ANKRD11: variants seen among roughly 807,000 people sequenced by gnomAD.
ANKRD11 encodes the protein ankyrin repeat domain 11.
Under a neutral mutation model 195.7 loss-of-function variants are expected in ANKRD11, and 17 were observed. That is an observed-to-expected ratio of 0.09 (90% confidence interval 0.06 to 0.13). The LOEUF is 0.13. ANKRD11 is among the 10% of genes least tolerant of loss of function. The pLI is 1.00. For synonymous variants in ANKRD11, 1,953 were observed against 1,528.1 expected (o/e 1.28, Z -6.49); for missense variants, 3,735 against 3,566.1 (o/e 1.05, Z -1.21).
chr16:89,460,710 C>G (rs2056623994), intron 1 of ANKRD11, among the ~76,000 whole-genome samples: 1 of 152,082 alleles, frequency 6.6e-6, no homozygotes, highest in African/African-American at 2.4e-5. Flanking sequence ...GCACTCCAGC[C>G]CGAGCAAGAC....
At chr16:89,354,376 T>C (rs765928448) in intron 2 of ANKRD11, among the ~76,000 whole-genome samples, 3 of 151,830 alleles carry the variant, frequency 2.0e-5, no homozygotes, top group Non-Finnish European at 4.4e-5. Flanking sequence ...ATTAGACAAA[T>C]ACCCAAATAT....
At position 89,280,654 on chromosome 16, in the gene ANKRD11, A is replaced by G. The variant is rs1240406820; in HGVS notation, c.5888T>C (p.Ile1963Thr). The change falls in exon 9 of 13, where the codon ATC (isoleucine) becomes ACC (threonine). Residue 1963 changes from isoleucine to threonine, a missense_variant. Physicochemically the swap from Ile to Thr is moderately conservative, Grantham distance 89. Coordinates refer to ENST00000301030, the MANE Select transcript of ANKRD11 (RefSeq NM_013275.6). ...CACAGGGTTTTCAGAGGTGCCCCCG[A>G]TCAGGCTAGAGGCAAGCGCCTGCTC... is the stretch of plus-strand genomic sequence containing the variant. ...PSEQALASSL[I>T]GGTSENPVSW... is the part of the protein sequence containing the mutation. The G allele has an allele frequency of 1.9e-6, 3 of 1,613,448 alleles. No homozygotes were observed. The highest frequency in any genetic ancestry group is 2.2e-5 in the East Asian group (1 of 44,866).
At position 89,275,083 on chromosome 16, in the gene ANKRD11, G is replaced by A. The variant is rs1169289592; in HGVS notation, c.7569+10C>T. 1.9e-6 allele frequency: 3 copies of A among 1,612,632 alleles called. No homozygotes were observed. The highest frequency in any genetic ancestry group is 2.5e-6 in the Non-Finnish European group (3 of 1,179,664). On this transcript the variant is annotated intron_variant, in intron 10 of 12. Coordinates refer to ENST00000301030, the MANE Select transcript of ANKRD11 (RefSeq NM_013275.6). ...CCGTGGCGCCCCCCTGCCTGTGCCA[G>A]CCCACTTACCCGCTCGATGCTGTGC...
chr16:89,289,632 G>A (rs1196465832), intron 6 of ANKRD11, among the ~76,000 whole-genome samples: 1 of 152,224 alleles, frequency 6.6e-6, no homozygotes, highest in Non-Finnish European at 1.5e-5. Context: ...CGGCTCAGAG[G>A]TGCCCTCTGC....
At chr16:89,377,674 C>T (rs1259654553) in intron 2 of ANKRD11, among the ~76,000 whole-genome samples, 1 of 152,102 alleles carries the variant, frequency 6.6e-6, no homozygotes, top group African/African-American at 2.4e-5. Context: ...GGGAGGGGTT[C>T]CCACGACTCC....
chr16:89,271,376 T>C (rs2033139870), intron 11 of ANKRD11: 1 of 251,402 alleles, frequency 4.0e-6, no homozygotes, highest in Non-Finnish European at 7.9e-6. Context: ...GTAGCTGGGA[T>C]TACAGGCAGC....
At chr16:89,429,886 T>G (rs75991075) in intron 1 of ANKRD11, among the ~76,000 whole-genome samples, 3,837 of 19,556 alleles carry the variant, frequency 0.2, 504 homozygotes, top group Non-Finnish European at 0.25. Context: ...ACACAGCAGG[T>G]ACTCTCAACT....
chr16:89,385,553 C>T (rs192224185), intron 2 of ANKRD11, among the ~76,000 whole-genome samples: 128 of 152,224 alleles, frequency 8.4e-4, no homozygotes, highest in African/African-American at 2.9e-3. Context: ...TCAAGCTGCT[C>T]CCTACCAATT....
At chr16:89,472,230 T>C (rs2057109113) in intron 1 of ANKRD11, among the ~76,000 whole-genome samples, 1 of 152,152 alleles carries the variant, frequency 6.6e-6, no homozygotes, top group South Asian at 2.1e-4. Flanking sequence ...GACAGAAAAG[T>C]GAGAGGCAAA....
chr16:89,410,986 G>C (rs993158595), intron 2 of ANKRD11, among the ~76,000 whole-genome samples: 1 of 152,342 alleles, frequency 6.6e-6, no homozygotes, highest in African/African-American at 2.4e-5. Context: ...CTCCACAGGC[G>C]CTTTCCTGAA....
intron 1 of ANKRD11, among the ~76,000 whole-genome samples, chr16:89,449,187 C>CA (rs397778191): frequency 0.042 from 3,065 of 73,348 alleles, 84 homozygotes; most frequent in African/African-American, 0.12. Context: ...CCAGTCTCTA[C>CA]AAAAAAAAAA....
chr16:89,280,036 C>T lies in ANKRD11; in HGVS notation c.6506G>A (p.Gly2169Glu), dbSNP rs573380956. The T allele has an allele frequency of 1.6e-5, 26 of 1,612,858 alleles. No homozygotes were observed. In the South Asian group the frequency reaches 2.6e-4, roughly 16 times the overall value. ...CCCACCGTTTATGACCCCGGGGGCC[C>T]CTGGAGGCATCTCTTCTGGAGGAGC... ...SLAPPEEMPPGAPGVINGGDV... is the reference protein window; with the variant it reads ...SLAPPEEMPPEAPGVINGGDV... Residue 2169 changes from glycine (G) to glutamate (E), a missense_variant, in exon 9 of 13, where the codon GGG (glycine) becomes GAG (glutamate). Physicochemically the swap from Gly to Glu is moderately conservative, Grantham distance 98. Coordinates refer to ENST00000301030, the MANE Select transcript of ANKRD11 (RefSeq NM_013275.6).
chr16:89,404,455 G>C (rs2041828136), intron 2 of ANKRD11, among the ~76,000 whole-genome samples: 1 of 152,164 alleles, frequency 6.6e-6, no homozygotes, highest in Non-Finnish European at 1.5e-5. Flanking sequence ...TGCTTTTAAA[G>C]GATTAATAGC....
At chr16:89,400,104 G>A (rs1169158400) in intron 2 of ANKRD11, among the ~76,000 whole-genome samples, 4 of 26,808 alleles carry the variant, frequency 1.5e-4, no homozygotes, top group African/African-American at 8.5e-4. Context: ...CCTGCGCTGG[G>A]GGACGGTCAT....
At chr16:89,341,708 T>C (rs2038668793) in intron 2 of ANKRD11, among the ~76,000 whole-genome samples, 2 of 152,212 alleles carry the variant, frequency 1.3e-5, no homozygotes, top group African/African-American at 2.4e-5. Flanking sequence ...ATCTGCATAA[T>C]GATATACCTA....
Position 89,285,551 on chromosome 16 carries a change from C to T in ANKRD11, c.991G>A (p.Ala331Thr), listed in dbSNP as rs1323276539. 1 of 1,614,112 alleles carries T rather than the reference C, an allele frequency of 6.2e-7. No individual in the cohort carries two copies. The highest frequency in any genetic ancestry group is 8.5e-7 in the Non-Finnish European group (1 of 1,180,014). The change falls in exon 9 of 13, where the codon GCC becomes ACC. Residue 331 changes from alanine to threonine, a missense_variant. Transcript: ENST00000301030. The surrounding 1 kb of genome is among the most constrained non-coding windows in gnomAD (Gnocchi z 5.6). ...SEFEKGLKHK[A>T]KNPEPQKATA... ...GCCTTCTGTGGCTCTGGGTTCTTGG[C>T]CTTGTGCTTGAGGCCTTTTTCGAAC...
chr16:89,426,636 A>G (rs201034836), intron 1 of ANKRD11, among the ~76,000 whole-genome samples: 2 of 152,152 alleles, frequency 1.3e-5, no homozygotes, highest in East Asian at 3.8e-4. Context: ...GCGCATATAG[A>G]TGACCAATTT....
intron 2 of ANKRD11, among the ~76,000 whole-genome samples, chr16:89,349,579 C>T (rs983497852): frequency 1.3e-5 from 2 of 152,152 alleles, no homozygotes; most frequent in African/African-American, 2.4e-5. Flanking sequence ...ACAAATGATG[C>T]TGGAAATAAT....
Position 89,467,199 on chromosome 16 carries a change from C to T in ANKRD11, c.-145+23046G>A, listed in dbSNP as rs938437134. On this transcript the variant is annotated intron_variant, in intron 1 of 12. Transcript: ENST00000301030. Reference sequence around the variant, plus strand: ...ATAATCCCAGAACCTGGGGAGGCCACAGCAGGTGGATCGCTTGAGCCCAGG... The same window carrying T: ...ATAATCCCAGAACCTGGGGAGGCCATAGCAGGTGGATCGCTTGAGCCCAGG... Among the ~76,000 whole-genome samples the T allele has an allele frequency of 3.3e-5, 5 of 151,394 alleles. No homozygotes were observed. The East Asian group carries it at 5.8e-4, about 18-fold the overall frequency.
Sources: gnomAD v4.1 joint callset for allele counts (sites outside exome capture counted in the v4.1 genomes callset) on GRCh38, gnomAD v4.1.1 for gene constraint, Gnocchi (gnomAD v3.1) non-coding constraint, MANE v1.5 for transcripts, NCBI Gene and HGNC (gene_info 2026-07-23, HGNC 2026-07-21) for gene names.